SERINC5: variants seen among roughly 807,000 people sequenced by gnomAD.
The protein encoded by SERINC5 is serine incorporator 5, also known as chromosome 5 open reading frame 12.
Under a neutral mutation model 63.1 loss-of-function variants are expected in SERINC5, and 41 were observed. That is an observed-to-expected ratio of 0.65 (90% CI 0.51 to 0.84). The LOEUF is 0.84. Ranked by LOEUF, SERINC5 falls within the 40% of genes least tolerant of loss-of-function variation. The pLI, the probability that SERINC5 is intolerant of heterozygous loss-of-function variation, is 0.00. For missense variants in SERINC5, 523 were observed against 573.0 expected (o/e 0.91, Z 0.89); for synonymous variants, 222 against 215.2 (o/e 1.03, Z -0.28).
chr5:80,178,724 GTATACATATA>G (rs1748219763), intron 2 of SERINC5, among the ~76,000 whole-genome samples: 1 of 151,412 alleles, frequency 6.6e-6, no homozygotes, highest in Non-Finnish European at 1.5e-5. Flanking sequence ...TTGTTGATAT[GTATACATATA>G]TACAAATAAA....
chr5:80,159,003 G>A lies in SERINC5; in HGVS notation c.860-41C>T, dbSNP rs926423787. On this transcript the variant is annotated intron_variant, in intron 7 of 11. Transcript: ENST00000507668. Reference sequence around the variant, plus strand: ...CAAAGTCATCACAGTCAAGTACAAAGGCCAGTTGTAACGCACAGAAGCACT... The same window carrying A: ...CAAAGTCATCACAGTCAAGTACAAAAGCCAGTTGTAACGCACAGAAGCACT... 7 of 1,609,692 alleles carry A rather than the reference G, an allele frequency of 4.3e-6. No individual in the cohort carries two copies. In the Admixed American group the frequency reaches 8.4e-5, roughly 19 times the overall value.
chr5:80,206,010 G>A lies in SERINC5; in HGVS notation c.28-2957C>T, dbSNP rs144125976. ...AAAAAAAAAAACCTCAAGACTTCTC[G>A]TTTATAAAGTGGGGGTGGCAGAAGT... is the stretch of plus-strand genomic sequence containing the variant. On this transcript the variant is annotated intron_variant, in intron 1 of 11. Coordinates refer to ENST00000507668, the MANE Select transcript of SERINC5 (RefSeq NM_001174072.3). Among the ~76,000 whole-genome samples, 109 of 146,496 alleles carry A rather than the reference G, an allele frequency of 7.4e-4. No individual in the cohort carries two copies. In the Middle Eastern group the frequency reaches 0.011, roughly 15 times the overall value.
At position 80,140,447 on chromosome 5, in the gene SERINC5, C is replaced by A. The variant is rs1426668683; in HGVS notation, c.*3216G>T. On this transcript the variant is annotated 3_prime_UTR_variant, in exon 12 of 12. Transcript: ENST00000507668. ...TAAACAATGTTGTATGGAAACAGAA[C>A]CCCAAAACCCCAATAACTCCACCCT... 2 of 984,126 alleles carry A rather than the reference C, an allele frequency of 2.0e-6. No homozygotes were observed. Among genetic ancestry groups the A allele is most frequent in the Non-Finnish European group, 2.4e-6 (2 of 829,694 alleles). The allele number at this position is 984,126 out of a possible 1,614,324, so 61.0% of individuals were successfully genotyped here.
At chr5:80,175,258 T>G (rs949538531) in intron 4 of SERINC5, among the ~76,000 whole-genome samples, 7 of 152,188 alleles carry the variant, frequency 4.6e-5, no homozygotes, top group African/African-American at 1.7e-4. Context: ...TCTCAGTCAA[T>G]AAATGGTATA....
At chr5:80,161,694 G>A (rs1318694297) in intron 7 of SERINC5, among the ~76,000 whole-genome samples, 2 of 152,146 alleles carry the variant, frequency 1.3e-5, no homozygotes, top group Non-Finnish European at 2.9e-5. Flanking sequence ...CTGTACAGAA[G>A]CTAATTAGAT....
exon 12 of SERINC5, chr5:80,113,600 A>G: frequency 3.5e-6 from 1 of 285,666 alleles, no homozygotes; most frequent in South Asian, 3.3e-5. Flanking sequence ...AGGCCTCAGA[A>G]TCATGGCAGG....
downstream of SERINC5, among the ~76,000 whole-genome samples, chr5:80,137,688 T>A (rs1252518482): frequency 3.6e-5 from 5 of 139,270 alleles, no homozygotes; most frequent in African/African-American, 7.8e-5. Flanking sequence ...ACGTCTGTAA[T>A]CCCAGCACTT....
At chr5:80,124,648 T>C (rs1744674966) in intron 11 of SERINC5, among the ~76,000 whole-genome samples, 1 of 152,154 alleles carries the variant, frequency 6.6e-6, no homozygotes. Flanking sequence ...GCTTGGATCT[T>C]AGAAATCTTG....
In SERINC5 at chr5:80,256,017, G is replaced by C. The variant is rs888710085; in HGVS notation, c.-95C>G. 2 of 1,262,422 alleles carry C rather than the reference G, an allele frequency of 1.6e-6. No individual in the cohort carries two copies. Among genetic ancestry groups the C allele is most frequent in the Non-Finnish European group, 2.1e-6 (2 of 955,558 alleles). 78.2% of individuals were successfully genotyped at this position (1,262,422 alleles called of 1,614,324 possible). On this transcript the variant is annotated 5_prime_UTR_variant, in exon 1 of 12. Transcript: ENST00000507668. ...GCCTCGAGCGCTGGGCTCAGCCGCA[G>C]CTCACACTTGAACGAAGATCAGCCT...
chr5:80,224,940 T>G (rs111719180), intron 1 of SERINC5, among the ~76,000 whole-genome samples: 73,655 of 134,246 alleles, frequency 0.55, 18,730 homozygotes, highest in African/African-American at 0.64. Context: ...TTTTTGTTTT[T>G]TTTTGTTTTT....
chr5:80,138,472 T>C (rs898718779), downstream of SERINC5, among the ~76,000 whole-genome samples: 1 of 152,050 alleles, frequency 6.6e-6, no homozygotes, highest in African/African-American at 2.4e-5. Flanking sequence ...AGCACATGCC[T>C]GTAATCCCAG....
At chr5:80,202,800 A>C in intron 2 of SERINC5, 86 bp downstream of exon 2, 3 of 1,358,962 alleles carry the variant, frequency 2.2e-6, no homozygotes, top group Non-Finnish European at 3.0e-6. Context: ...ATGGGGGTAC[A>C]TGGACCCCAT....
intron 7 of SERINC5, among the ~76,000 whole-genome samples, chr5:80,164,061 C>G (rs1286181395): frequency 6.6e-6 from 1 of 152,034 alleles, no homozygotes; most frequent in Non-Finnish European, 1.5e-5. Context: ...TCATTATTGG[C>G]CTGTTTAGGA....
At chr5:80,248,114 A>C (rs149031716) in intron 1 of SERINC5, among the ~76,000 whole-genome samples, 2 of 152,280 alleles carry the variant, frequency 1.3e-5, no homozygotes, top group Non-Finnish European at 2.9e-5. Context: ...AGCCTCTGAA[A>C]GTGCTGGGAT....
At chr5:80,123,152 G>A (rs1744613338) in intron 11 of SERINC5, among the ~76,000 whole-genome samples, 1 of 152,232 alleles carries the variant, frequency 6.6e-6, no homozygotes, top group African/African-American at 2.4e-5. Context: ...CTGGAGTGCA[G>A]TGGTGTGATC....
chr5:80,143,051 T>C lies in SERINC5; in HGVS notation c.*612A>G, dbSNP rs941683000. ...CTCGGGGAAGGGTGCAGGCAGAGAG[T>C]GAAGTCTGTGATTCCCAGCATCACA... On this transcript the variant is annotated 3_prime_UTR_variant, in exon 12 of 12. Transcript: ENST00000507668. 96 of 984,870 alleles carry C rather than the reference T, an allele frequency of 9.7e-5. No homozygotes were observed. Among genetic ancestry groups the C allele is most frequent in the Non-Finnish European group, 1.0e-4 (86 of 829,874 alleles). The allele number at this position is 984,870 out of a possible 1,614,324, so 61.0% of individuals were successfully genotyped here. A position where few individuals can be genotyped will look rare whatever the true frequency, so the allele number is the denominator to read the frequency against.
At chr5:80,178,535 G>GTTTTTT (rs1341563769) in intron 2 of SERINC5, among the ~76,000 whole-genome samples, 6 of 81,590 alleles carry the variant, frequency 7.4e-5, no homozygotes, top group African/African-American at 2.7e-4. Flanking sequence ...GCTAATTTTT[G>GTTTTTT]TATTTTTTTT....
chr5:80,208,898 C>T (rs1017636633), intron 1 of SERINC5, among the ~76,000 whole-genome samples: 2 of 152,082 alleles, frequency 1.3e-5, no homozygotes, highest in Middle Eastern at 3.2e-3. Flanking sequence ...AATTGTGTCC[C>T]CCAAAATTCA....
At chr5:80,166,153 T>A (rs994268026) in intron 7 of SERINC5, among the ~76,000 whole-genome samples, 6 of 152,202 alleles carry the variant, frequency 3.9e-5, no homozygotes, top group African/African-American at 1.2e-4. Flanking sequence ...ACAATTAAAT[T>A]TGACTATAGT....
Sources: gnomAD v4.1 joint callset for allele counts (sites outside exome capture counted in the v4.1 genomes callset) on GRCh38, gnomAD v4.1.1 for gene constraint, MANE v1.5 for transcripts, NCBI Gene and HGNC (gene_info 2026-07-23, HGNC 2026-07-21) for gene names.